TNC: variants seen among roughly 807,000 people sequenced by gnomAD.
The protein encoded by TNC is tenascin.
A neutral mutation model predicts 202.4 loss-of-function variants in TNC; 109 were observed. That is an observed-to-expected ratio of 0.54 (90% CI 0.46 to 0.63). The LOEUF (loss-of-function observed/expected upper bound fraction) is 0.63, where lower values mean the gene tolerates loss of function less well. Ranked by LOEUF, TNC falls within the 30% of genes least tolerant of loss-of-function variation. TNC has a pLI of 0.00. For synonymous variants in TNC, 1,007 were observed against 1,089.7 expected (o/e 0.92, Z 1.50); for missense variants, 2,756 against 2,833.3 (o/e 0.97, Z 0.62).
chr9:115,036,368 C>T, intron 20 of TNC, 127 bp from the exon 21 acceptor site: 109 of 1,049,430 alleles, frequency 1.0e-4, no homozygotes, highest in Admixed American at 3.1e-4. Flanking sequence ...AAAAGCAGGT[C>T]TGATTTCTGA....
chr9:115,112,044 G>A (rs1837112584), intron 1 of TNC, among the ~76,000 whole-genome samples: 1 of 152,210 alleles, frequency 6.6e-6, no homozygotes. Flanking sequence ...AATTTGGTAT[G>A]CAGTAATAGA....
chr9:115,063,718 T>C lies in TNC; in HGVS notation c.3760+78A>G, dbSNP rs1032976905. 1.1e-5 allele frequency: 16 copies of C among 1,483,444 alleles called. No individual in the cohort carries two copies. The African/African-American group carries it at 1.4e-4, about 13-fold the overall frequency. 91.9% of individuals were successfully genotyped at this position (1,483,444 alleles called of 1,614,324 possible). On this transcript the variant is annotated intron_variant, in intron 12 of 27. Coordinates refer to ENST00000350763, the MANE Select transcript of TNC (RefSeq NM_002160.4). ...AATGTGGTAGGAGCTGATCCCAGTTTAAAGCAAGAAAGTGCTTTGATTCCT... is the reference window on the plus strand; with the variant it reads ...AATGTGGTAGGAGCTGATCCCAGTTCAAAGCAAGAAAGTGCTTTGATTCCT...
intron 15 of TNC, among the ~76,000 whole-genome samples, chr9:115,054,612 C>G (rs900887487): frequency 6.6e-6 from 1 of 152,072 alleles, no homozygotes; most frequent in Admixed American, 6.6e-5. Flanking sequence ...AAGGGTGCAA[C>G]CAAGCTGAGA....
At chr9:115,084,946 C>T (rs1834594268) in intron 3 of TNC, among the ~76,000 whole-genome samples, 1 of 152,164 alleles carries the variant, frequency 6.6e-6, no homozygotes, top group Non-Finnish European at 1.5e-5. Context: ...CTTGTATCTC[C>T]TCCCTGCCAG....
chr9:115,087,338 A>G, intron 2 of TNC, 65 bp from the exon 3 acceptor site: 1 of 1,524,636 alleles, frequency 6.6e-7, no homozygotes, highest in Non-Finnish European at 8.9e-7. Flanking sequence ...GTATCTACCC[A>G]GGGCACCCAG....
intron 5 of TNC, among the ~76,000 whole-genome samples, chr9:115,082,277 G>A (rs1044653272): frequency 2.6e-5 from 4 of 152,188 alleles, no homozygotes; most frequent in Admixed American, 2.0e-4. Flanking sequence ...ACAGCTGGTT[G>A]GTGGCAGAGC....
At chr9:115,048,680 A>T in intron 15 of TNC, 148 bp from the exon 16 acceptor site, 2 of 792,376 alleles carry the variant, frequency 2.5e-6, no homozygotes, top group Admixed American at 2.9e-5. Context: ...GTAAGAACTT[A>T]TTGGGTGCCA....
At chr9:115,062,121 A>G (rs1832590135) in intron 13 of TNC, among the ~76,000 whole-genome samples, 1 of 152,188 alleles carries the variant, frequency 6.6e-6, no homozygotes. Flanking sequence ...CGTTTGTGCT[A>G]TTTTAAAAAT....
chr9:115,057,212 T>C lies in TNC; in HGVS notation c.4520A>G (p.Tyr1507Cys), dbSNP rs1588082922. 4 of 1,613,964 alleles carry C rather than the reference T, an allele frequency of 2.5e-6. No homozygotes were observed. Among genetic ancestry groups the C allele is most frequent in the Non-Finnish European group, 3.4e-6 (4 of 1,179,976 alleles). The change falls in exon 15 of 28, where the codon TAC becomes TGC. Residue 1507 changes from tyrosine to cysteine, a missense_variant. Physicochemically the swap from Tyr to Cys is radical, Grantham distance 194 (BLOSUM62 -2). Transcript: ENST00000350763. ...GATGCTGGGAGCAAGTCCAGAGAGG[T>C]AGACAATAAAATCAGTACTAGGGGG... is the stretch of plus-strand genomic sequence containing the variant. ...GLPPSTDFIV[Y>C]LSGLAPSIRT...
chr9:115,064,860 G>T lies in TNC; in HGVS notation c.3274C>A (p.Leu1092Ile), dbSNP rs750082791. Residue 1092 changes from leucine to isoleucine, a missense_variant, in exon 11 of 28, where the codon CTC (leucine) becomes ATC (isoleucine). Transcript: ENST00000350763. ...VTEVGWDGLR[L>I]NWTAADQAYE... ...GCCTGGTCAGCTGCGGTCCAGTTGAGTCTGAGGCCATCCCAGCCAACCTCA... is the reference window on the plus strand; with the variant it reads ...GCCTGGTCAGCTGCGGTCCAGTTGATTCTGAGGCCATCCCAGCCAACCTCA... 1 of 1,614,210 alleles carries T rather than the reference G, an allele frequency of 6.2e-7. No homozygotes were observed. The highest frequency in any genetic ancestry group is 1.1e-5 in the South Asian group (1 of 91,084).
chr9:115,057,383 G>C lies in TNC; in HGVS notation c.4349C>G (p.Thr1450Ser). 6.2e-7 allele frequency: 1 copy of C among 1,613,426 alleles called. No homozygotes were observed. Among genetic ancestry groups the C allele is most frequent in the South Asian group, 1.1e-5 (1 of 91,012 alleles). ...EIGNLNVSDITPESFNLSWMA... is the reference protein window; with the variant it reads ...EIGNLNVSDISPESFNLSWMA... ...CCAGGAGAGATTGAAGCTCTCGGGA[G>C]TTATGTCAGAAACATTTAAGTTTCC... Residue 1450 changes from threonine (T) to serine (S), a missense_variant, in exon 15 of 28, where the codon ACT becomes AGT. Thr to Ser is a moderately conservative substitution (Grantham distance 58, BLOSUM62 1). Around this residue, in one of 2 missense-constraint regions of TNC, gnomAD observed 2,559 missense variants for 2,546.0 expected, o/e 1.01. Coordinates refer to ENST00000350763, the MANE Select transcript of TNC (RefSeq NM_002160.4).
At chr9:115,074,694 C>T (rs1020768450) in intron 9 of TNC, among the ~76,000 whole-genome samples, 4 of 152,154 alleles carry the variant, frequency 2.6e-5, no homozygotes, top group Non-Finnish European at 4.4e-5. Flanking sequence ...GCTGTGGCTG[C>T]AAAGGGTAGC....
chr9:115,095,866 G>A lies in TNC; in HGVS notation c.-136-4712C>T, dbSNP rs74557299. Among the ~76,000 whole-genome samples the A allele has an allele frequency of 6.4e-3, 968 of 151,468 alleles. 26 individuals are homozygous for A. The highest frequency in any genetic ancestry group is 0.057 in the East Asian group (293 of 5,172). On this transcript the variant is annotated intron_variant, in intron 1 of 27. Coordinates refer to ENST00000350763, the MANE Select transcript of TNC (RefSeq NM_002160.4). The stretch of plus-strand genomic sequence containing the variant: ...TGTAAGTGTGTGTATATCTTTGATG[G>A]TGATATTTAAGGATCTGGTAAGTCA...
Position 115,082,706 on chromosome 9 carries a change from T to A in TNC, c.2233A>T (p.Ile745Phe). ...GTACTCCTTACCATATTCCGGAAGA[T>A]GATCTCCCAGGTTTCAAAAGCAATG... The part of the protein sequence containing the change: ...LDIAFETWEI[I>F]FRNMNKEDEG... The change falls in exon 5 of 28, where the codon ATC becomes TTC. Residue 745 changes from isoleucine (I) to phenylalanine (F), a missense_variant. By Grantham distance (21) the Ile-to-Phe change is conservative. This residue lies in a region of TNC where 2,559 missense variants were observed against 2,546.0 expected (regional missense o/e 1.01). Coordinates refer to ENST00000350763, the MANE Select transcript of TNC (RefSeq NM_002160.4). 2 of 1,611,244 alleles carry A rather than the reference T, an allele frequency of 1.2e-6. No homozygotes were observed. Among genetic ancestry groups the A allele is most frequent in the Non-Finnish European group, 1.7e-6 (2 of 1,177,342 alleles).
chr9:115,092,494 C>T (rs781219521), intron 1 of TNC, among the ~76,000 whole-genome samples: 2 of 152,108 alleles, frequency 1.3e-5, no homozygotes, highest in African/African-American at 2.4e-5. Context: ...GATCTATACA[C>T]GATATGAAGT....
chr9:115,090,751 G>C lies in TNC; in HGVS notation c.268C>G (p.His90Asp). The change falls in exon 2 of 28, where the codon CAC becomes GAC. Residue 90 changes from histidine (H) to aspartate (D), a missense_variant. His to Asp is a moderately conservative substitution (Grantham distance 81, BLOSUM62 -1). Around this residue, in one of 2 missense-constraint regions of TNC, gnomAD observed 2,559 missense variants for 2,546.0 expected, o/e 1.01. Transcript: ENST00000350763. ...ATCTGGTTTTCCCCATCCACTGTGT[G>C]CTCCTGAAAGCTTTCGCTGGGCTCT... is the stretch of plus-strand genomic sequence containing the variant. Reference protein sequence around the residue: ...PSEPSESFQEHTVDGENQIVF... With the variant: ...PSEPSESFQEDTVDGENQIVF... The C allele has an allele frequency of 6.2e-7, 1 of 1,614,230 alleles. No individual in the cohort carries two copies. Among genetic ancestry groups the C allele is most frequent in the Non-Finnish European group, 8.5e-7 (1 of 1,180,038 alleles).
chr9:115,103,674 T>C (rs1285430153), intron 1 of TNC, among the ~76,000 whole-genome samples: 1 of 152,200 alleles, frequency 6.6e-6, no homozygotes, highest in Non-Finnish European at 1.5e-5. Context: ...CTGTGGTCCA[T>C]TGCTAATTTC....
At chr9:115,074,743 C>T (rs1226568789) in intron 9 of TNC, among the ~76,000 whole-genome samples, 3 of 151,818 alleles carry the variant, frequency 2.0e-5, no homozygotes, top group Admixed American at 6.6e-5. Flanking sequence ...TGTATCTTGA[C>T]TCTAGTGGTG....
Position 115,064,063 on chromosome 9 carries a change from T to A in TNC, c.3493A>T (p.Thr1165Ser), listed in dbSNP as rs762131295. ...ACCACGACCTCTCCCAAATTGGGAGTTTCCCCTGGAGAAGGACAAAGAACT... is the reference window on the plus strand; with the variant it reads ...ACCACGACCTCTCCCAAATTGGGAGATTCCCCTGGAGAAGGACAAAGAACT... ...VLSAEASTGE[T>S]PNLGEVVVAE... The change falls in exon 12 of 28, where the codon ACT becomes TCT. Residue 1165 changes from threonine to serine, a missense_variant. By Grantham distance (58) the Thr-to-Ser change is moderately conservative. Coordinates refer to ENST00000350763, the MANE Select transcript of TNC (RefSeq NM_002160.4). The A allele has an allele frequency of 5.0e-6, 8 of 1,603,894 alleles. No individual in the cohort carries two copies. In the South Asian group the frequency reaches 5.6e-5, roughly 11 times the overall value.
Sources: gnomAD v4.1 joint callset for allele counts (sites outside exome capture counted in the v4.1 genomes callset) on GRCh38, gnomAD v4.1.1 for gene constraint, gnomAD v4.1.1 regional missense constraint, MANE v1.5 for transcripts, NCBI Gene and HGNC (gene_info 2026-07-23, HGNC 2026-07-21) for gene names.